The following TCHH variants were observed in gnomAD, a reference collection of about 807,000 sequenced individuals.
TCHH encodes trichohyalin.
Under a neutral mutation model 6.3 loss-of-function variants are expected in TCHH, and 6 were observed. The ratio of observed to expected loss-of-function variants is 0.95; its 90% CI spans 0.52 to 1.88. The LOEUF is 1.88. Among genes scored for constraint, TCHH ranks in the 40% most tolerant of loss-of-function variants. The pLI is 0.01. For synonymous variants in TCHH, 1,087 were observed against 963.6 expected, an observed-to-expected ratio of 1.13 and a Z score of -2.37; for missense variants, 2,920 against 2,449.1, an observed-to-expected ratio of 1.19 and a Z score of -4.06.
Position 152,111,099 on chromosome 1 carries a change from C to T in TCHH, c.2118G>A (p.Trp706Ter), listed in dbSNP as rs1557811332. ...GTGCGTCGGCCTCGCTTTCTAGCTG[C>T]CACTGCCACTTCGGGATGCGGCTCT... The part of the protein sequence containing the change: ...RIKSRIPKWQ[W>*]QLESEADARQ... The change falls in exon 3 of 3, where the codon TGG becomes TGA. Residue 706 changes from tryptophan to a stop codon, truncating the protein, a stop_gained. Transcript: ENST00000614923. LOFTEE classifies it low-confidence loss of function (END_TRUNC). 1.9e-6 allele frequency: 3 copies of T among 1,613,698 alleles called. No homozygotes were observed. Among genetic ancestry groups the T allele is most frequent in the Non-Finnish European group, 1.7e-6 (2 of 1,180,026 alleles).
Position 152,111,073 on chromosome 1 carries a change from C to T in TCHH, c.2144G>A (p.Arg715Gln). 6.2e-7 allele frequency: 1 copy of T among 1,613,534 alleles called. No homozygotes were observed. Among genetic ancestry groups the T allele is most frequent in the Non-Finnish European group, 8.5e-7 (1 of 1,180,026 alleles). Residue 715 changes from arginine to glutamine, a missense_variant, in exon 3 of 3, where the codon CGG becomes CAG. Coordinates refer to ENST00000614923, the MANE Select transcript of TCHH (RefSeq NM_007113.4). ...GGGCCTCGAGTAGACTTTGCTTTGC[C>T]GTGCGTCGGCCTCGCTTTCTAGCTG... Reference protein sequence around the residue: ...QWQLESEADARQSKVYSRPRK... With the variant: ...QWQLESEADAQQSKVYSRPRK...
At position 152,109,605 on chromosome 1, in the gene TCHH, C is replaced by G. The variant is rs763804396; in HGVS notation, c.3612G>C (p.Glu1204Asp). 17 of 1,614,224 alleles carry G rather than the reference C, an allele frequency of 1.1e-5. No homozygotes were observed. Among genetic ancestry groups the G allele is most frequent in the African/African-American group, 1.3e-5 (1 of 75,046 alleles). ...ERERQYREEEELQRQKRKQRY... is the reference protein window; with the variant it reads ...ERERQYREEEDLQRQKRKQRY... The stretch of plus-strand genomic sequence containing the variant: ...GCTGCTTCCTTTTCTGGCGCTGAAG[C>G]TCTTCCTCCTCCCGATACTGCCTCT... The change falls in exon 3 of 3, where the codon GAG (glutamate) becomes GAC (aspartate). Residue 1204 changes from glutamate to aspartate, a missense_variant. By Grantham distance (45) the Glu-to-Asp change is conservative (BLOSUM62 2). Transcript: ENST00000614923.
Position 152,108,908 on chromosome 1 carries a change from G to C in TCHH, c.4309C>G (p.Gln1437Glu), listed in dbSNP as rs377677960. The change falls in exon 3 of 3, where the codon CAG (glutamine) becomes GAG (glutamate). Residue 1437 changes from glutamine (Q) to glutamate (E), a missense_variant. Coordinates refer to ENST00000614923, the MANE Select transcript of TCHH (RefSeq NM_007113.4). ...ERDRKFREEE[Q>E]QVRRQERERK... Reference sequence around the variant, plus strand: ...TCTCGTTCCTGGCGGCGCACCTGCTGTTCCTCTTCACGGAATTTTCTGTCA... The same window carrying C: ...TCTCGTTCCTGGCGGCGCACCTGCTCTTCCTCTTCACGGAATTTTCTGTCA... 6.2e-7 allele frequency: 1 copy of C among 1,612,720 alleles called. No individual in the cohort carries two copies. The highest frequency in any genetic ancestry group is 1.1e-5 in the South Asian group (1 of 91,004).
At position 152,114,060 on chromosome 1, in the gene TCHH, G is replaced by A; in HGVS notation, c.21C>T (p.Ser7=). The A allele has an allele frequency of 6.2e-7, 1 of 1,612,222 alleles. No individual in the cohort carries two copies. The highest frequency in any genetic ancestry group is 8.5e-7 in the Non-Finnish European group (1 of 1,179,484). ...TGAAAATTTCAGTGATGTCACAGAT[G>A]CTTCTCAGAAGTGGAGACATTTTTT... MSPLLR[S]ICDITEIFNQ... Residue 7 remains serine (S), a synonymous_variant, in exon 2 of 3, where the codon AGC becomes AGT. Coordinates refer to ENST00000614923, the MANE Select transcript of TCHH (RefSeq NM_007113.4).
In TCHH at chr1:152,107,415, G is replaced by C; in HGVS notation, c.5802C>G (p.Ile1934Met). Reference sequence around the variant, plus strand: ...GGCGGTATTGAGATCTCTGCTCTTGGATGTACTCATAGAGAGGGCTGGAGC... The same window carrying C: ...GGCGGTATTGAGATCTCTGCTCTTGCATGTACTCATAGAGAGGGCTGGAGC... ...PVRSSPLYEYIQEQRSQYRP is the reference protein window; with the variant it reads ...PVRSSPLYEYMQEQRSQYRP The change falls in exon 3 of 3, where the codon ATC becomes ATG. Residue 1934 changes from isoleucine (I) to methionine (M), a missense_variant. Transcript: ENST00000614923. The C allele has an allele frequency of 6.3e-7, 1 of 1,597,418 alleles. No individual in the cohort carries two copies. Among genetic ancestry groups the C allele is most frequent in the Non-Finnish European group, 8.5e-7 (1 of 1,171,884 alleles).
chr1:152,115,291 C>T (rs1658481548), intron 1 of TCHH, 100 bp downstream of exon 1: 2 of 152,176 alleles, frequency 1.3e-5, no homozygotes, highest in South Asian at 4.1e-4. Context: ...ATACTGATAC[C>T]TTCTGGCACA....
At position 152,110,570 on chromosome 1, in the gene TCHH, T is replaced by G; in HGVS notation, c.2647A>C (p.Lys883Gln). 1.2e-6 allele frequency: 2 copies of G among 1,614,114 alleles called. No homozygotes were observed. The highest frequency in any genetic ancestry group is 1.7e-6 in the Non-Finnish European group (2 of 1,180,012). The stretch of plus-strand genomic sequence containing the variant: ...GCGTACAGCGTGTGGCGGCGTCTCT[T>G]CCTTTCTTCTTCTAGTTGCCACCTC... ...KWRWQLEEER[K>Q]RRRHTLYAKP... The change falls in exon 3 of 3, where the codon AAG becomes CAG. Residue 883 changes from lysine to glutamine, a missense_variant. Lys to Gln is a moderately conservative substitution (Grantham distance 53, BLOSUM62 1). Transcript: ENST00000614923.
chr1:152,109,564 T>A lies in TCHH; in HGVS notation c.3653A>T (p.Asp1218Val). 1 of 1,614,272 alleles carries A rather than the reference T, an allele frequency of 6.2e-7. No homozygotes were observed. Among genetic ancestry groups the A allele is most frequent in the Non-Finnish European group, 8.5e-7 (1 of 1,180,052 alleles). Reference protein sequence around the residue: ...QKRKQRYRDEDQRSDLKWQWE... With the variant: ...QKRKQRYRDEVQRSDLKWQWE... ...CTGCCATTTCAGATCACTGCGCTGA[T>A]CCTCATCCCGGTATCGCTGCTTCCT... is the stretch of plus-strand genomic sequence containing the variant. The change falls in exon 3 of 3, where the codon GAT becomes GTT. Residue 1218 changes from aspartate (D) to valine (V), a missense_variant. Asp to Val is a radical substitution (Grantham distance 152). Coordinates refer to ENST00000614923, the MANE Select transcript of TCHH (RefSeq NM_007113.4).
Position 152,107,185 on chromosome 1 carries a change from A to G in TCHH, c.*200T>C, listed in dbSNP as rs1658128395. 2.1e-6 allele frequency: 1 copy of G among 487,690 alleles called. No individual in the cohort carries two copies. The allele number at this position is 487,690 out of a possible 1,614,324, so 30.2% of individuals were successfully genotyped here. A position where few individuals can be genotyped will look rare whatever the true frequency, so the allele number is the denominator to read the frequency against. On this transcript the variant is annotated 3_prime_UTR_variant, in exon 3 of 3. Coordinates refer to ENST00000614923, the MANE Select transcript of TCHH (RefSeq NM_007113.4). The stretch of plus-strand genomic sequence containing the variant: ...GCAAAAGAAAGACATCTTGCAGTAA[A>G]GAACTACTTGAGGAAGAATAAAAAG...
Position 152,108,138 on chromosome 1 carries a change from G to A in TCHH, c.5079C>T (p.Phe1693=), listed in dbSNP as rs754363432. ...GGCGGAGCTGCTGTTCCTCTTCGCG[G>A]AATTTTCTGTCACGCTCTTGGCGGC... ...QLRRQERDRK[F]REEEQQLRRQ... The change falls in exon 3 of 3, where the codon TTC becomes TTT. Residue 1693 remains phenylalanine (F), a synonymous_variant. Transcript: ENST00000614923. 2 of 1,612,214 alleles carry A rather than the reference G, an allele frequency of 1.2e-6. No individual in the cohort carries two copies. The highest frequency in any genetic ancestry group is 1.7e-6 in the Non-Finnish European group (2 of 1,179,612).
In TCHH at chr1:152,107,650, T is replaced by C; in HGVS notation, c.5567A>G (p.Lys1856Arg). The C allele has an allele frequency of 6.2e-7, 1 of 1,614,156 alleles. No homozygotes were observed. Among genetic ancestry groups the C allele is most frequent in the Non-Finnish European group, 8.5e-7 (1 of 1,180,036 alleles). The change falls in exon 3 of 3, where the codon AAG (lysine) becomes AGG (arginine). Residue 1856 changes from lysine (K) to arginine (R), a missense_variant. Lys to Arg is a conservative substitution (Grantham distance 26, BLOSUM62 2). Coordinates refer to ENST00000614923, the MANE Select transcript of TCHH (RefSeq NM_007113.4). ...RAEEQFATQE[K>R]SRREEQELWQ... is the part of the protein sequence containing the mutation. ...TAGTTCTTGTTCCTCACGACGACTCTTCTCCTGCGTGGCAAACTGCTCCTC... is the reference window on the plus strand; with the variant it reads ...TAGTTCTTGTTCCTCACGACGACTCCTCTCCTGCGTGGCAAACTGCTCCTC...
Position 152,110,537 on chromosome 1 carries a change from C to G in TCHH, c.2680G>C (p.Ala894Pro), listed in dbSNP as rs1658300917. The G allele has an allele frequency of 6.2e-7, 1 of 1,614,058 alleles. No homozygotes were observed. Among genetic ancestry groups the G allele is most frequent in the South Asian group, 1.1e-5 (1 of 91,084 alleles). The change falls in exon 3 of 3, where the codon GCC becomes CCC. Residue 894 changes from alanine (A) to proline (P), a missense_variant. Physicochemically the swap from Ala to Pro is conservative, Grantham distance 27 (BLOSUM62 -1). Transcript: ENST00000614923. ...RRRHTLYAKP[A>P]LQEQLRKEQQ... ...TCCTTCCTCAGCTGCTCTTGTAGGG[C>G]TGGCTTGGCGTACAGCGTGTGGCGG...
chr1:152,110,788 A>G lies in TCHH; in HGVS notation c.2429T>C (p.Phe810Ser). 1 of 1,607,126 alleles carries G rather than the reference A, an allele frequency of 6.2e-7. No homozygotes were observed. The highest frequency in any genetic ancestry group is 8.5e-7 in the Non-Finnish European group (1 of 1,179,666). The change falls in exon 3 of 3, where the codon TTT (phenylalanine) becomes TCT (serine). Residue 810 changes from phenylalanine (F) to serine (S), a missense_variant. Coordinates refer to ENST00000614923, the MANE Select transcript of TCHH (RefSeq NM_007113.4). ...AEERQQREQR[F>S]LPEEEEKEQR... is the part of the protein sequence containing the mutation. The stretch of plus-strand genomic sequence containing the variant: ...CTCCTTCTCCTCCTCCTCCGGGAGA[A>G]ACCGTTGTTCCCGCTGCTGGCGCTC...
Position 152,110,852 on chromosome 1 carries a change from G to C in TCHH, c.2365C>G (p.Pro789Ala). The stretch of plus-strand genomic sequence containing the variant: ...TGCCTCTCCCGCTGCTCCCGCAATG[G>C]GGGCCTGGCCGACAGCCTCTGACGG... ...RGRQRLSARP[P>A]LREQRERQLR... is the part of the protein sequence containing the mutation. The change falls in exon 3 of 3, where the codon CCA becomes GCA. Residue 789 changes from proline to alanine, a missense_variant. By Grantham distance (27) the Pro-to-Ala change is conservative (BLOSUM62 -1). Coordinates refer to ENST00000614923, the MANE Select transcript of TCHH (RefSeq NM_007113.4). 1 of 1,609,604 alleles carries C rather than the reference G, an allele frequency of 6.2e-7. No homozygotes were observed. Among genetic ancestry groups the C allele is most frequent in the African/African-American group, 1.3e-5 (1 of 74,878 alleles).
chr1:152,106,331 TTTA>T lies in TCHH; in HGVS notation c.*1051_*1053del, dbSNP rs1263047035. 6.6e-6 allele frequency: 1 copy of T among 152,144 alleles called. No homozygotes were observed. The highest frequency in any genetic ancestry group is 1.5e-5 in the Non-Finnish European group (1 of 68,018). The allele number at this position is 152,144 out of a possible 1,614,324, so 9.4% of individuals were successfully genotyped here. A position where few individuals can be genotyped will look rare whatever the true frequency, so the allele number is the denominator to read the frequency against. ...GACAAAAGTAGTTACTTGCCAAACA[TTTA>T]TTATTAATTTTTCACAGTCCAATTA... On this transcript the variant is annotated 3_prime_UTR_variant, in exon 3 of 3. Coordinates refer to ENST00000614923, the MANE Select transcript of TCHH (RefSeq NM_007113.4).
rs201507732 is a variant in TCHH, at chr1:152,107,440, C to T, written c.5777G>A (p.Arg1926His). The change falls in exon 3 of 3, where the codon CGC becomes CAC. Residue 1926 changes from arginine (R) to histidine (H), a missense_variant. By Grantham distance (29) the Arg-to-His change is conservative (BLOSUM62 0). Coordinates refer to ENST00000614923, the MANE Select transcript of TCHH (RefSeq NM_007113.4). ...GTHQFASVPV[R>H]SSPLYEYIQE... ...GATGTACTCATAGAGAGGGCTGGAG[C>T]GCACTGGGACACTGGCAAACTGATG... 32 of 1,611,882 alleles carry T rather than the reference C, an allele frequency of 2.0e-5. No individual in the cohort carries two copies. The highest frequency in any genetic ancestry group is 2.6e-5 in the Non-Finnish European group (31 of 1,178,872).
Position 152,111,273 on chromosome 1 carries a change from C to A in TCHH, c.1944G>T (p.Arg648Ser), listed in dbSNP as rs1301657731. The A allele has an allele frequency of 1.9e-6, 3 of 1,602,030 alleles. No homozygotes were observed. The South Asian group carries it at 3.3e-5, about 18-fold the overall frequency. ...GCTCGCGCCTTTCCTGCTGCTCGCG[C>A]CTTAGTTGCTGCTGGCGCCTCTCCT... is the stretch of plus-strand genomic sequence containing the variant. The part of the protein sequence containing the change: ...EQEERRQQQL[R>S]REQQERREQR... Residue 648 changes from arginine (R) to serine (S), a missense_variant, in exon 3 of 3, where the codon AGG becomes AGT. Transcript: ENST00000614923.
Position 152,112,971 on chromosome 1 carries a change from A to G in TCHH, c.246T>C (p.Ala82=). 5.6e-6 allele frequency: 9 copies of G among 1,614,070 alleles called. No individual in the cohort carries two copies. In the South Asian group the frequency reaches 7.7e-5, roughly 14 times the overall value. Residue 82 remains alanine (A), a synonymous_variant, in exon 3 of 3, where the codon GCT becomes GCC. Transcript: ENST00000614923. ...NEFLLFIFKV[A]QACYYALGQA... is the part of the protein sequence containing the mutation. ...GGCCGAGAGCATAGTAACAAGCTTG[A>G]GCCACTTTGAAAATAAATAGGAGGA...
rs767713329 is a variant in TCHH at position 152,112,250 on chromosome 1, C to T, written c.967G>A (p.Glu323Lys). The stretch of plus-strand genomic sequence containing the variant: ...TGCTGCTCGCGCCTCTCCTGCTGCT[C>T]GCGCCTCTCCTCCTGCTGCTCGCGC... The part of the protein sequence containing the change: ...ERREQQEERR[E>K]QQERREQQEE... The change falls in exon 3 of 3, where the codon GAG becomes AAG. Residue 323 changes from glutamate to lysine, a missense_variant. Coordinates refer to ENST00000614923, the MANE Select transcript of TCHH (RefSeq NM_007113.4). 4 of 1,559,118 alleles carry T rather than the reference C, an allele frequency of 2.6e-6. No homozygotes were observed. Among genetic ancestry groups the T allele is most frequent in the East Asian group, 2.4e-5 (1 of 41,858 alleles).
Sources: allele counts gnomAD v4.1 joint callset, GRCh38; gene constraint gnomAD v4.1.1; transcripts MANE v1.5; gene names NCBI Gene and HGNC (gene_info 2026-07-23, HGNC 2026-07-21).